PDE8B: variants seen among roughly 807,000 people sequenced by gnomAD.
PDE8B encodes the protein high affinity cAMP-specific and IBMX-insensitive 3',5'-cyclic phosphodiesterase 8B.
A neutral mutation model predicts 101.3 loss-of-function variants in PDE8B; 26 were observed. That is an observed-to-expected ratio of 0.26 (90% confidence interval 0.19 to 0.36). PDE8B has a LOEUF of 0.36. Among genes scored for constraint, PDE8B ranks in the 10% least tolerant of loss-of-function variants. PDE8B has a pLI of 1.00. For synonymous variants in PDE8B, 424 were observed against 429.3 expected, an observed-to-expected ratio of 0.99 and a Z score of 0.15; for missense variants, 810 against 1,163.1, an observed-to-expected ratio of 0.70 and a Z score of 4.42.
chr5:77,130,757 C>T, the PDE8B span, among the ~76,000 whole-genome samples: 2 of 152,160 alleles, frequency 1.3e-5, no homozygotes, highest in Admixed American at 6.5e-5. Context: ...AGTTGGGTTA[C>T]GTTTTGTTGC....
chr5:77,291,647 T>C, intron 1 of PDE8B: 1 of 1,596,414 alleles, frequency 6.3e-7, no homozygotes. Flanking sequence ...TTCCAACAAG[T>C]GGGGCTGAGA....
At chr5:77,206,254 A>C (rs1393999923), upstream of PDE8B, among the ~76,000 whole-genome samples, 3 of 152,220 alleles carry the variant, frequency 2.0e-5, no homozygotes, top group African/African-American at 7.2e-5. Context: ...GAAGCCCCCA[A>C]ACCCCTGCCT....
chr5:77,179,369 T>A, the PDE8B span, among the ~76,000 whole-genome samples: 2 of 152,186 alleles, frequency 1.3e-5, no homozygotes, highest in African/African-American at 4.8e-5. Flanking sequence ...CTGGACTGAC[T>A]CAGCACTGTG....
At chr5:77,267,592 C>G (rs754471793) in intron 1 of PDE8B, among the ~76,000 whole-genome samples, 2 of 152,154 alleles carry the variant, frequency 1.3e-5, no homozygotes, top group Non-Finnish European at 2.9e-5. Context: ...GAACCAGTTT[C>G]TCTTCCAGAG....
At chr5:77,360,895 C>T (rs1243365963) in intron 10 of PDE8B, among the ~76,000 whole-genome samples, 2 of 152,186 alleles carry the variant, frequency 1.3e-5, no homozygotes, top group Non-Finnish European at 2.9e-5. Context: ...CTCCCTCTGC[C>T]TCCTTGTAAT....
intron 19 of PDE8B, among the ~76,000 whole-genome samples, chr5:77,421,538 A>G (rs1184257464): frequency 6.6e-6 from 1 of 152,220 alleles, no homozygotes; most frequent in Non-Finnish European, 1.5e-5. Flanking sequence ...TCTAGGGAAG[A>G]AAATGGATGT....
At chr5:77,347,083 C>A (rs915516696) in intron 7 of PDE8B, among the ~76,000 whole-genome samples, 1 of 152,190 alleles carries the variant, frequency 6.6e-6, no homozygotes, top group African/African-American at 2.4e-5. Context: ...CCATTCCTCC[C>A]TCCTTTCCTT....
chr5:77,425,805 G>A lies in PDE8B; in HGVS notation c.2457G>A (p.Met819Ile). 6.2e-7 allele frequency: 1 copy of A among 1,613,180 alleles called. No homozygotes were observed. The highest frequency in any genetic ancestry group is 8.5e-7 in the Non-Finnish European group (1 of 1,179,124). ...AGAGACAGGGACTACCTGTGGTGATGCCAGTGTTTGACCGGAATACCTGTA... is the reference window on the plus strand; with the variant it reads ...AGAGACAGGGACTACCTGTGGTGATACCAGTGTTTGACCGGAATACCTGTA... ...EEKRQGLPVV[M>I]PVFDRNTCSI... Residue 819 changes from methionine (M) to isoleucine (I), a missense_variant, in exon 21 of 22, where the codon ATG (methionine) becomes ATA (isoleucine). Physicochemically the swap from Met to Ile is conservative, Grantham distance 10 (BLOSUM62 1). Around this residue, in one of 4 missense-constraint regions of PDE8B, gnomAD observed 325 missense variants for 560.9 expected, o/e 0.58. Coordinates refer to ENST00000264917, the MANE Select transcript of PDE8B (RefSeq NM_003719.5).
chr5:77,282,775 T>C (rs1418659874), intron 1 of PDE8B, among the ~76,000 whole-genome samples: 3 of 152,048 alleles, frequency 2.0e-5, no homozygotes, highest in Non-Finnish European at 2.9e-5. Flanking sequence ...GAACTCTCTG[T>C]AGTGGCCTGA....
At chr5:77,135,872 T>C in the PDE8B span, among the ~76,000 whole-genome samples, 36 of 152,092 alleles carry the variant, frequency 2.4e-4, no homozygotes, top group African/African-American at 8.4e-4. Context: ...ACACCTCAGC[T>C]GCTCAAAGTG....
At chr5:77,166,226 T>TAAAAAA in the PDE8B span, among the ~76,000 whole-genome samples, 18 of 116,314 alleles carry the variant, frequency 1.5e-4, no homozygotes, top group Non-Finnish European at 2.4e-4. Context: ...TCGGTAAAGA[T>TAAAAAA]AAAAAAAAAA....
At chr5:77,231,091 C>G (rs1329445236) in intron 1 of PDE8B, among the ~76,000 whole-genome samples, 1 of 152,194 alleles carries the variant, frequency 6.6e-6, no homozygotes, top group Non-Finnish European at 1.5e-5. Flanking sequence ...TGCATGGAGT[C>G]ATGCAGTGTG....
At chr5:77,244,446 A>G (rs1580533658) in intron 1 of PDE8B, among the ~76,000 whole-genome samples, 1 of 152,170 alleles carries the variant, frequency 6.6e-6, no homozygotes, top group Non-Finnish European at 1.5e-5. Flanking sequence ...CTAGGAAACC[A>G]TACAGGCTCC....
chr5:77,388,087 A>G (rs1789117819), intron 10 of PDE8B, among the ~76,000 whole-genome samples: 1 of 152,104 alleles, frequency 6.6e-6, no homozygotes, highest in South Asian at 2.1e-4. Context: ...TCAATTCGTC[A>G]AACTCATTCT....
chr5:77,201,615 T>C, the PDE8B span, among the ~76,000 whole-genome samples: 1 of 152,140 alleles, frequency 6.6e-6, no homozygotes, highest in Non-Finnish European at 1.5e-5. Flanking sequence ...CCAATCTCAT[T>C]TGCATTTTGT....
chr5:77,225,034 T>C (rs1384481490), intron 1 of PDE8B, among the ~76,000 whole-genome samples: 1 of 152,180 alleles, frequency 6.6e-6, no homozygotes, highest in Non-Finnish European at 1.5e-5. Context: ...TGATGTCTGG[T>C]TGTGTCTCTT....
chr5:77,291,245 C>G lies in PDE8B; in HGVS notation c.340-20749C>G. 4.3e-6 allele frequency: 7 copies of G among 1,611,908 alleles called. No individual in the cohort carries two copies. The South Asian group carries it at 7.7e-5, about 18-fold the overall frequency. On this transcript the variant is annotated intron_variant, in intron 1 of 21. Coordinates refer to ENST00000264917, the MANE Select transcript of PDE8B (RefSeq NM_003719.5). ...TTGTAAACAGACTTAAAAAGGCCTA[C>G]GCACAGATCCGAGTTGGGAACCCAT...
the PDE8B span, among the ~76,000 whole-genome samples, chr5:77,124,938 TA>T: frequency 6.6e-6 from 1 of 152,180 alleles, no homozygotes; most frequent in Non-Finnish European, 1.5e-5. Flanking sequence ...GAATTAATAG[TA>T]AAAGAAATTT....
chr5:77,301,857 A>C (rs1188041834), intron 1 of PDE8B, among the ~76,000 whole-genome samples: 1 of 152,208 alleles, frequency 6.6e-6, no homozygotes, highest in South Asian at 2.1e-4. Context: ...AAGAATTTTG[A>C]CATAATCATA....
Sources: allele counts gnomAD v4.1 joint callset (sites outside exome capture counted in the v4.1 genomes callset), GRCh38; gene constraint gnomAD v4.1.1; regional missense constraint gnomAD v4.1.1; transcripts MANE v1.5; gene names NCBI Gene and HGNC (gene_info 2026-07-23, HGNC 2026-07-21).